Variants in CDKAL1 observed in about 807,000 individuals in gnomAD.
CDKAL1 encodes CDKAL1 threonylcarbamoyladenosine tRNA methylthiotransferase.
In CDKAL1, 32 loss-of-function variants were observed where a neutral mutation model predicts 68.2. The ratio of observed to expected loss-of-function variants is 0.47; its 90% CI spans 0.35 to 0.63. The LOEUF (loss-of-function observed/expected upper bound fraction) is 0.63, where lower values mean the gene tolerates loss of function less well. CDKAL1 is among the 30% of genes least tolerant of loss of function. The pLI is 0.00. For synonymous variants in CDKAL1, 234 were observed against 244.3 expected, an observed-to-expected ratio of 0.96 and a Z score of 0.39; for missense variants, 606 against 696.7, an observed-to-expected ratio of 0.87 and a Z score of 1.47.
At chr6:21,125,907 C>G (rs1419695683) in intron 13 of CDKAL1, among the ~76,000 whole-genome samples, 1 of 152,144 alleles carries the variant, frequency 6.6e-6, no homozygotes, top group Non-Finnish European at 1.5e-5. Flanking sequence ...TGTGTCTCCC[C>G]TAGATAACTG....
chr6:20,609,990 C>A (rs1766547753), intron 4 of CDKAL1, among the ~76,000 whole-genome samples: 1 of 152,082 alleles, frequency 6.6e-6, no homozygotes, highest in South Asian at 2.1e-4. Flanking sequence ...TCCATGTGTT[C>A]TCATCATTTA....
At chr6:20,567,307 T>C (rs1159454598) in intron 4 of CDKAL1, among the ~76,000 whole-genome samples, 2 of 151,784 alleles carry the variant, frequency 1.3e-5, no homozygotes, top group African/African-American at 4.8e-5. Flanking sequence ...TAAAATGGTT[T>C]ATGGAGTAGT....
At chr6:21,125,685 A>G (rs141901692) in intron 13 of CDKAL1, among the ~76,000 whole-genome samples, 1,767 of 152,248 alleles carry the variant, frequency 0.012, 44 homozygotes, top group African/African-American at 0.039. Context: ...ATCTCAAAAA[A>G]ACAAACAAAC....
intron 9 of CDKAL1, among the ~76,000 whole-genome samples, chr6:20,859,442 G>C (rs1037541110): frequency 9.9e-5 from 15 of 152,194 alleles, no homozygotes; most frequent in African/African-American, 3.6e-4. Flanking sequence ...GGAATAGGAG[G>C]AAGCCTTTGC....
At chr6:20,754,530 T>C (rs2745929) in intron 6 of CDKAL1, among the ~76,000 whole-genome samples, 66,704 of 152,082 alleles carry the variant, frequency 0.44, 15,054 homozygotes, top group Middle Eastern at 0.49. Flanking sequence ...GGTTCTGATT[T>C]GCATTTCCTG....
intron 11 of CDKAL1, among the ~76,000 whole-genome samples, chr6:21,055,879 A>G (rs867752922): frequency 8.5e-5 from 13 of 152,288 alleles, no homozygotes; most frequent in African/African-American, 2.6e-4. Flanking sequence ...TCTTTTGGGT[A>G]TATACCAAGA....
At chr6:21,106,552 G>A (rs559365284) in intron 12 of CDKAL1, among the ~76,000 whole-genome samples, 1 of 152,276 alleles carries the variant, frequency 6.6e-6, no homozygotes, top group African/African-American at 2.4e-5. Flanking sequence ...CTGCAGCCTG[G>A]GCCACAGGGT....
At chr6:21,124,497 C>G (rs1040112643) in intron 13 of CDKAL1, among the ~76,000 whole-genome samples, 6 of 151,958 alleles carry the variant, frequency 3.9e-5, no homozygotes, top group Admixed American at 2.0e-4. Flanking sequence ...TATTTATTAC[C>G]TCGATGAATA....
intron 13 of CDKAL1, among the ~76,000 whole-genome samples, chr6:21,167,399 A>C (rs1777195257): frequency 6.6e-6 from 1 of 152,208 alleles, no homozygotes; most frequent in Non-Finnish European, 1.5e-5. Flanking sequence ...CTGTTTTATA[A>C]ATATTAGAAA....
intron 8 of CDKAL1, among the ~76,000 whole-genome samples, chr6:20,800,102 C>CTT (rs1776304920): frequency 1.3e-5 from 2 of 152,362 alleles, no homozygotes; most frequent in East Asian, 3.9e-4. Context: ...TCTCAGAGCA[C>CTT]CCAGCCCTGC....
In CDKAL1 at chr6:21,161,308, A is replaced by C. The variant is rs2151064018; in HGVS notation, c.1300-36713A>C. ...TATGGATTGCTGTATTTTTCAATAC[A>C]GCACCAGATCAGTAAACACCATCTT... is the stretch of plus-strand genomic sequence containing the variant. On this transcript the variant is annotated intron_variant, in intron 13 of 15. Transcript: ENST00000274695. Among the ~76,000 whole-genome samples the C allele has an allele frequency of 1.3e-5, 2 of 152,324 alleles. 1 individual carries two copies. Among genetic ancestry groups the C allele is most frequent in the South Asian group, 4.1e-4 (2 of 4,824 alleles).
rs34741537 is a variant in CDKAL1, at chr6:20,937,860, GTT to G, written c.743-17546_743-17545del. Among the ~76,000 whole-genome samples the G allele has an allele frequency of 8.2e-3, 1,159 of 141,020 alleles. 12 individuals carry two copies. The highest frequency in any genetic ancestry group is 0.012 in the Non-Finnish European group (783 of 64,488). 92.5% of individuals were successfully genotyped at this position (141,020 alleles called of 152,430 possible). The stretch of plus-strand genomic sequence containing the variant: ...TGCAAAATTTCTCCACTGTGAGGTG[GTT>G]TTTTTTTTTTTTCATTTTAATTAAT... On this transcript the variant is annotated intron_variant, in intron 9 of 15. Coordinates refer to ENST00000274695, the MANE Select transcript of CDKAL1 (RefSeq NM_017774.3).
In CDKAL1 at chr6:20,780,858, G is replaced by A. The variant is rs188625698; in HGVS notation, c.518-287G>A. Among the ~76,000 whole-genome samples the A allele has an allele frequency of 2.3e-3, 347 of 152,028 alleles. 2 individuals carry two copies. Among genetic ancestry groups the A allele is most frequent in the Admixed American group, 6.0e-3 (92 of 15,248 alleles). On this transcript the variant is annotated intron_variant, in intron 7 of 15. Transcript: ENST00000274695. ...CCGGCTTATTTTTGTACTTTTAATA[G>A]AGATGGAGTTTCACCATGTTGATCA... is the stretch of plus-strand genomic sequence containing the variant.
At chr6:20,688,343 G>A (rs921920222) in intron 5 of CDKAL1, among the ~76,000 whole-genome samples, 2 of 151,658 alleles carry the variant, frequency 1.3e-5, no homozygotes, top group East Asian at 1.9e-4. Flanking sequence ...TTCTACTTCC[G>A]CTTCTAGTAT....
intron 4 of CDKAL1, among the ~76,000 whole-genome samples, chr6:20,648,487 A>G (rs1243490368): frequency 2.0e-5 from 3 of 152,032 alleles, no homozygotes; most frequent in Non-Finnish European, 4.4e-5. Flanking sequence ...CAGTCCTCCC[A>G]CCTAGTGCTC....
At chr6:21,227,500 A>AAAAT (rs1779794538) in intron 15 of CDKAL1, among the ~76,000 whole-genome samples, 1 of 152,246 alleles carries the variant, frequency 6.6e-6, no homozygotes, top group African/African-American at 2.4e-5. Flanking sequence ...GTAAAAGGTG[A>AAAAT]AAATAATAAA....
intron 5 of CDKAL1, among the ~76,000 whole-genome samples, chr6:20,690,960 A>G (rs1018395228): frequency 5.9e-5 from 9 of 152,206 alleles, no homozygotes; most frequent in Non-Finnish European, 1.3e-4. Context: ...TTTTGCTTAT[A>G]TGGTGGTGAA....
intron 11 of CDKAL1, among the ~76,000 whole-genome samples, chr6:21,005,316 C>T (rs567472449): frequency 4.6e-5 from 7 of 152,250 alleles, no homozygotes; most frequent in Non-Finnish European, 8.8e-5. Flanking sequence ...TGACAACATG[C>T]GCAGTTCTTA....
At chr6:20,943,067 T>G (rs1026251905) in intron 9 of CDKAL1, among the ~76,000 whole-genome samples, 3 of 151,036 alleles carry the variant, frequency 2.0e-5, no homozygotes, top group African/African-American at 7.3e-5. Flanking sequence ...TTATCTAGTA[T>G]TGTTTCTCTC....
Sources: allele counts gnomAD v4.1 joint callset (sites outside exome capture counted in the v4.1 genomes callset), GRCh38; gene constraint gnomAD v4.1.1; transcripts MANE v1.5; gene names NCBI Gene and HGNC (gene_info 2026-07-23, HGNC 2026-07-21).